The following DNAJC25 variants were observed in gnomAD, a reference collection of about 807,000 sequenced individuals.
DNAJC25 encodes DnaJ heat shock protein family (Hsp40) member C25.
DNAJC25 carries 26 observed loss-of-function variants against 42.1 expected under a neutral mutation model. That is an observed-to-expected ratio of 0.62 (90% CI 0.45 to 0.86). The LOEUF (loss-of-function observed/expected upper bound fraction) is 0.86. Ranked by LOEUF, DNAJC25 falls within the 40% of genes least tolerant of loss-of-function variation. The probability of loss-of-function intolerance (pLI) is 0.00; values close to 1 mark genes in which losing one functional copy is unlikely to be tolerated. For missense variants in DNAJC25, 404 were observed against 459.4 expected (o/e 0.88, Z 1.10); for synonymous variants, 189 against 179.9 (o/e 1.05, Z -0.40).
At chr9:111,640,719 C>T (rs1830441107) in intron 1 of DNAJC25, among the ~76,000 whole-genome samples, 1 of 77,134 alleles carries the variant, frequency 1.3e-5, no homozygotes, top group Non-Finnish European at 2.3e-5. Flanking sequence ...GTGAGGAGCC[C>T]CTCCGCCCGG....
In DNAJC25 at chr9:111,641,873, C is replaced by T. The variant is rs1589344314; in HGVS notation, c.337-5234C>T. ...GAGGTGAGGGGCGCCTCTGCCCGGC[C>T]GCCCCTACTGGGAAGTGAGGAGCCC... On this transcript the variant is annotated intron_variant, in intron 1 of 3. Coordinates refer to ENST00000313525, the MANE Select transcript of DNAJC25 (RefSeq NM_001015882.3). Among the ~76,000 whole-genome samples, 13 of 137,838 alleles carry T rather than the reference C, an allele frequency of 9.4e-5. No individual in the cohort carries two copies. The South Asian group carries it at 1.6e-3, about 17-fold the overall frequency. 90.4% of individuals were successfully genotyped at this position (137,838 alleles called of 152,430 possible).
intron 3 of DNAJC25, among the ~76,000 whole-genome samples, chr9:111,651,271 A>G (rs905350469): frequency 2.0e-5 from 3 of 151,890 alleles, no homozygotes; most frequent in African/African-American, 7.2e-5. Flanking sequence ...CTCAAAAAAA[A>G]AAAAAAAAAA....
chr9:111,637,481 T>C (rs1830381173), intron 1 of DNAJC25, among the ~76,000 whole-genome samples: 1 of 152,226 alleles, frequency 6.6e-6, no homozygotes, highest in Non-Finnish European at 1.5e-5. Flanking sequence ...ATTCTTCTTC[T>C]GGAATCTTCT....
intron 1 of DNAJC25, among the ~76,000 whole-genome samples, chr9:111,641,991 G>T (rs1378158974): frequency 1.9e-4 from 23 of 124,188 alleles, no homozygotes; most frequent in African/African-American, 6.6e-4. Context: ...GGTGGGGGGG[G>T]TCAGCCCCCC....
At chr9:111,646,266 G>C (rs934240125) in intron 1 of DNAJC25, among the ~76,000 whole-genome samples, 1 of 152,164 alleles carries the variant, frequency 6.6e-6, no homozygotes, top group Non-Finnish European at 1.5e-5. Context: ...GCATAGCTCA[G>C]TACAACATTG....
Position 111,653,871 on chromosome 9 carries a change from A to G in DNAJC25, c.*649A>G, listed in dbSNP as rs963097231. On this transcript the variant is annotated 3_prime_UTR_variant, in exon 4 of 4. Transcript: ENST00000313525. ...GTCTTAATAAGATCAGAAACTCTCC[A>G]GGAGAGTGAGTCTACCCTCACGTCC... 3 of 152,652 alleles carry G rather than the reference A, an allele frequency of 2.0e-5. No individual in the cohort carries two copies. Among genetic ancestry groups the G allele is most frequent in the African/African-American group, 7.2e-5 (3 of 41,456 alleles). 9.5% of individuals were successfully genotyped at this position (152,652 alleles called of 1,614,324 possible). A position where few individuals can be genotyped will look rare whatever the true frequency, so the allele number is the denominator to read the frequency against.
chr9:111,646,973 A>G, intron 1 of DNAJC25, 134 bp from the exon 2 acceptor site: 2 of 1,071,250 alleles, frequency 1.9e-6, no homozygotes, highest in Non-Finnish European at 2.5e-6. Flanking sequence ...AAATTTTTTG[A>G]TTTTGACAAT....
At chr9:111,649,396 A>C (rs1468675185) in intron 2 of DNAJC25, 57 bp from the exon 3 acceptor site, 1 of 1,472,676 alleles carries the variant, frequency 6.8e-7, no homozygotes, top group Admixed American at 2.7e-5. Flanking sequence ...TCATTCCTTT[A>C]ATTTAGATGA....
At chr9:111,648,182 A>T (rs558891928) in intron 2 of DNAJC25, among the ~76,000 whole-genome samples, 1 of 152,350 alleles carries the variant, frequency 6.6e-6, no homozygotes, top group East Asian at 1.9e-4. Flanking sequence ...CTTTAAAGGA[A>T]ATGAACAAGT....
At chr9:111,634,652 A>G (rs1174853144) in intron 1 of DNAJC25, among the ~76,000 whole-genome samples, 1 of 152,190 alleles carries the variant, frequency 6.6e-6, no homozygotes, top group Non-Finnish European at 1.5e-5. Context: ...GGAAACTATA[A>G]TTATGTAAAA....
intron 3 of DNAJC25, among the ~76,000 whole-genome samples, chr9:111,651,743 A>G (rs1830663828): frequency 6.6e-6 from 1 of 151,860 alleles, no homozygotes; most frequent in African/African-American, 2.4e-5. Context: ...ACAAAAAATT[A>G]ACTGGGCGTG....
At chr9:111,640,511 A>G (rs1437572721) in intron 1 of DNAJC25, among the ~76,000 whole-genome samples, 2 of 65,904 alleles carry the variant, frequency 3.0e-5, no homozygotes, top group African/African-American at 7.6e-5. Flanking sequence ...CATCACATCT[A>G]GGAAGTGAGG....
At position 111,649,510 on chromosome 9, in the gene DNAJC25, A is replaced by C. The variant is rs1830616821; in HGVS notation, c.547A>C (p.Lys183Gln). The change falls in exon 3 of 4, where the codon AAG (lysine) becomes CAG (glutamine). Residue 183 changes from lysine to glutamine, a missense_variant. By Grantham distance (53) the Lys-to-Gln change is moderately conservative. Coordinates refer to ENST00000313525, the MANE Select transcript of DNAJC25 (RefSeq NM_001015882.3). ...KAISYLATVP[K>Q]YRIQATEIAK... is the part of the protein sequence containing the mutation. ...AATCAGCTACCTAGCCACAGTGCCC[A>C]AGTACCGTATCCAAGCTACAGAGAT... 2 of 1,613,042 alleles carry C rather than the reference A, an allele frequency of 1.2e-6. No homozygotes were observed. Among genetic ancestry groups the C allele is most frequent in the South Asian group, 2.2e-5 (2 of 90,820 alleles).
chr9:111,641,597 C>T (rs1461943065), intron 1 of DNAJC25, among the ~76,000 whole-genome samples: 1 of 132,928 alleles, frequency 7.5e-6, no homozygotes, highest in East Asian at 2.4e-4. Context: ...GCCCCCCGCC[C>T]GGCCAGCCGC....
At chr9:111,647,047 T>G in intron 1 of DNAJC25, 60 bp from the exon 2 acceptor site, 1 of 1,510,194 alleles carries the variant, frequency 6.6e-7, no homozygotes, top group Non-Finnish European at 8.9e-7. Context: ...TTTAACAGAT[T>G]ATAAACTAAG....
intron 1 of DNAJC25, among the ~76,000 whole-genome samples, chr9:111,640,162 G>T (rs1014264079): frequency 7.9e-5 from 12 of 151,724 alleles, no homozygotes; most frequent in Non-Finnish European, 1.3e-4. Flanking sequence ...CCCTAACCGC[G>T]AGTGATCCGC....
rs1355474885 is a variant in DNAJC25, at chr9:111,649,303, CTT to C, written c.490-147_490-146del. The stretch of plus-strand genomic sequence containing the variant: ...ACGCATGGGCTTCGTTCAGTTGTGT[CTT>C]TTACTTACAAAGTAAGATCTTTGAG... On this transcript the variant is annotated intron_variant, in intron 2 of 3. Coordinates refer to ENST00000313525, the MANE Select transcript of DNAJC25 (RefSeq NM_001015882.3). 7 of 1,379,118 alleles carry C rather than the reference CTT, an allele frequency of 5.1e-6. No individual in the cohort carries two copies. The East Asian group carries it at 1.3e-4, about 26-fold the overall frequency. The allele number at this position is 1,379,118 out of a possible 1,614,324, so 85.4% of individuals were successfully genotyped here.
At chr9:111,642,900 C>T (rs1266597691) in intron 1 of DNAJC25, 1 of 470,954 alleles carries the variant, frequency 2.1e-6, no homozygotes, top group Non-Finnish European at 4.4e-6. Flanking sequence ...GAATGGACAC[C>T]AGCAGAAGCA....
At chr9:111,640,136 C>T (rs1275111254) in intron 1 of DNAJC25, among the ~76,000 whole-genome samples, 3 of 137,460 alleles carry the variant, frequency 2.2e-5, no homozygotes, top group African/African-American at 5.6e-5. Context: ...CTGTGTTGGC[C>T]GGGCCGGTCT....
Sources: allele counts gnomAD v4.1 joint callset (sites outside exome capture counted in the v4.1 genomes callset), GRCh38; gene constraint gnomAD v4.1.1; transcripts MANE v1.5; gene names NCBI Gene and HGNC (gene_info 2026-07-23, HGNC 2026-07-21).